The following DAXX variants were observed in gnomAD, a reference collection of about 807,000 sequenced individuals.
The protein encoded by DAXX is death domain-associated protein 6.
A neutral mutation model predicts 61.9 loss-of-function variants in DAXX; 24 were observed. That is an observed-to-expected ratio of 0.39 (90% CI 0.28 to 0.55). The LOEUF is 0.55. DAXX is among the 20% of genes least tolerant of loss of function. The pLI is 0.69. For missense variants in DAXX, 819 were observed against 935.3 expected, an observed-to-expected ratio of 0.88 and a Z score of 1.62; for synonymous variants, 357 against 369.5, an observed-to-expected ratio of 0.97 and a Z score of 0.39.
Position 33,320,382 on chromosome 6 carries a change from C to T in DAXX, c.1249G>A (p.Glu417Lys). 6.2e-7 allele frequency: 1 copy of T among 1,605,816 alleles called. No individual in the cohort carries two copies. The highest frequency in any genetic ancestry group is 1.3e-5 in the African/African-American group (1 of 74,848). The change falls in exon 4 of 8, where the codon GAG becomes AAG. Residue 417 changes from glutamate (E) to lysine (K), a missense_variant and splice_region_variant. Transcript: ENST00000374542. The surrounding 1 kb of genome is among the most constrained non-coding windows in gnomAD (Gnocchi z 7.1). ...TGAAGGCTGTACCCCATCCACACCT[C>T]ACCAGAATCCAAGGAGGCTTCGGGG... is the stretch of plus-strand genomic sequence containing the variant. ...DTPEASLDSG[E>K]GPSGMASQGC...
Position 33,318,815 on chromosome 6 carries a change from G to A in DAXX, c.2164-13C>T, listed in dbSNP as rs1191659695. 6.8e-7 allele frequency: 1 copy of A among 1,480,398 alleles called. No individual in the cohort carries two copies. Among genetic ancestry groups the A allele is most frequent in the Non-Finnish European group, 9.3e-7 (1 of 1,077,134 alleles). 91.7% of individuals were successfully genotyped at this position (1,480,398 alleles called of 1,614,324 possible). On this transcript the variant is annotated splice_polypyrimidine_tract_variant and intron_variant, in intron 7 of 7. Coordinates refer to ENST00000374542, the MANE Select transcript of DAXX (RefSeq NM_001141969.2). The stretch of plus-strand genomic sequence containing the variant: ...TGGCCACACTTGTCTGCAGGGAAGT[G>A]AGAGACAAAGAGTCAAAGAGATCTG...
At chr6:33,319,956 G>C in intron 5 of DAXX, 55 bp downstream of exon 5, 7 of 1,610,532 alleles carry the variant, frequency 4.3e-6, no homozygotes, top group Non-Finnish European at 5.9e-6. Context: ...CAAACAGGTG[G>C]CTCATGCCTA....
Position 33,319,543 on chromosome 6 carries a change from A to C in DAXX, c.1777T>G (p.Ser593Ala). 2.5e-6 allele frequency: 4 copies of C among 1,614,062 alleles called. No homozygotes were observed. In the South Asian group the frequency reaches 3.3e-5, roughly 13 times the overall value. ...ETDISSSRKQ[S>A]EEPFTTVLEN... ...AAGACAGTGGTGAAGGGCTCCTCTG[A>C]TTGCTTCCTGGAAGAGGAAATGTCC... The change falls in exon 6 of 8, where the codon TCA becomes GCA. Residue 593 changes from serine (S) to alanine (A), a missense_variant. Physicochemically the swap from Ser to Ala is moderately conservative, Grantham distance 99. Transcript: ENST00000374542.
rs2150986121 is a variant in DAXX, at chr6:33,318,812, A to G, written c.2164-10T>C. 1 of 1,507,158 alleles carries G rather than the reference A, an allele frequency of 6.6e-7. No homozygotes were observed. Among genetic ancestry groups the G allele is most frequent in the Non-Finnish European group, 9.1e-7 (1 of 1,099,756 alleles). The allele number at this position is 1,507,158 out of a possible 1,614,324, so 93.4% of individuals were successfully genotyped here. On this transcript the variant is annotated splice_polypyrimidine_tract_variant and intron_variant, in intron 7 of 7. Coordinates refer to ENST00000374542, the MANE Select transcript of DAXX (RefSeq NM_001141969.2). Reference sequence around the variant, plus strand: ...GTGTGGCCACACTTGTCTGCAGGGAAGTGAGAGACAAAGAGTCAAAGAGAT... The same window carrying G: ...GTGTGGCCACACTTGTCTGCAGGGAGGTGAGAGACAAAGAGTCAAAGAGAT...
chr6:33,320,662 G>C lies in DAXX; in HGVS notation c.1040-71C>G. On this transcript the variant is annotated intron_variant, in intron 3 of 7. Coordinates refer to ENST00000374542, the MANE Select transcript of DAXX (RefSeq NM_001141969.2). This position sits in a 1 kb window ranked among gnomAD's most constrained non-coding sequence, Gnocchi z 7.1. ...CTAGAAGAGTAAAAACCCTAGAAAG[G>C]ACTAGAGAGATGCCCCATCCGCCTC... 6.2e-7 allele frequency: 1 copy of C among 1,603,912 alleles called. No individual in the cohort carries two copies. Among genetic ancestry groups the C allele is most frequent in the Non-Finnish European group, 8.5e-7 (1 of 1,173,990 alleles).
In DAXX at chr6:33,320,022, T is replaced by G. The variant is rs778324215; in HGVS notation, c.1454A>C (p.Glu485Ala). ...EDDEEEDEEE[E>A]AAAGKDGDKS... ...TTCCCTTGACATACCTGCTGCTGCT[T>G]CTTCCTCTTCGTCCTCCTCTTCATC... is the stretch of plus-strand genomic sequence containing the variant. Residue 485 changes from glutamate to alanine, a missense_variant, in exon 5 of 8, where the codon GAA (glutamate) becomes GCA (alanine). Physicochemically the swap from Glu to Ala is moderately radical, Grantham distance 107. Coordinates refer to ENST00000374542, the MANE Select transcript of DAXX (RefSeq NM_001141969.2). The surrounding 1 kb of genome is among the most constrained non-coding windows in gnomAD (Gnocchi z 7.1). 1.5e-5 allele frequency: 25 copies of G among 1,613,756 alleles called. No individual in the cohort carries two copies. Among genetic ancestry groups the G allele is most frequent in the Middle Eastern group, 1.6e-4 (1 of 6,084 alleles).
intron 6 of DAXX, 76 bp from the exon 7 acceptor site, chr6:33,319,295 G>A: frequency 6.4e-7 from 1 of 1,562,846 alleles, no homozygotes; most frequent in Non-Finnish European, 8.7e-7. Context: ...GTCTCTCCCA[G>A]CAGACTCAGT....
In DAXX at chr6:33,321,850, G is replaced by A. The variant is rs1427909924; in HGVS notation, c.76C>T (p.His26Tyr). 1 of 1,612,510 alleles carries A rather than the reference G, an allele frequency of 6.2e-7. No individual in the cohort carries two copies. The highest frequency in any genetic ancestry group is 1.7e-5 in the Admixed American group (1 of 60,010). ...GGTGAGGCCGCATTGGGGAGTGGGT[G>A]GGAGGGCCCTGGCTGAGCAGCTGCT... ...DEAAAQPGPS[H>Y]PLPNAASPGA... The change falls in exon 2 of 8, where the codon CAC becomes TAC. Residue 26 changes from histidine (H) to tyrosine (Y), a missense_variant. His to Tyr is a moderately conservative substitution (Grantham distance 83). Coordinates refer to ENST00000374542, the MANE Select transcript of DAXX (RefSeq NM_001141969.2). This position sits in a 1 kb window ranked among gnomAD's most constrained non-coding sequence, Gnocchi z 7.2.
In DAXX at chr6:33,321,655, G is replaced by T; in HGVS notation, c.207+64C>A. On this transcript the variant is annotated intron_variant, in intron 2 of 7. Coordinates refer to ENST00000374542, the MANE Select transcript of DAXX (RefSeq NM_001141969.2). This position sits in a 1 kb window ranked among gnomAD's most constrained non-coding sequence, Gnocchi z 7.2. ...GAGGTGGGGTTAGTGGGAAAGAAAG[G>T]ACAGGAGAACCAGTCAGCCATCCCC... 6.2e-7 allele frequency: 1 copy of T among 1,601,128 alleles called. No individual in the cohort carries two copies. Among genetic ancestry groups the T allele is most frequent in the Non-Finnish European group, 8.5e-7 (1 of 1,171,416 alleles).
At position 33,319,172 on chromosome 6, in the gene DAXX, A is replaced by T. The variant is rs374737931; in HGVS notation, c.1988T>A (p.Ile663Lys). 2 of 1,612,274 alleles carry T rather than the reference A, an allele frequency of 1.2e-6. No homozygotes were observed. The highest frequency in any genetic ancestry group is 1.7e-5 in the Admixed American group (1 of 59,926). The change falls in exon 7 of 8, where the codon ATA becomes AAA. Residue 663 changes from isoleucine (I) to lysine (K), a missense_variant. By Grantham distance (102) the Ile-to-Lys change is moderately radical. Coordinates refer to ENST00000374542, the MANE Select transcript of DAXX (RefSeq NM_001141969.2). ...GGAAGGTGGGCTGGGCAGGGTACAT[A>T]TCTTTTTCCCATTCTTCTCATGCAC... ...RSVHEKNGKK[I>K]CTLPSPPSPL...
rs1770603892 is a variant in DAXX at position 33,321,455 on chromosome 6, T to C, written c.320A>G (p.Asn107Ser). 7 of 1,613,958 alleles carry C rather than the reference T, an allele frequency of 4.3e-6. No individual in the cohort carries two copies. The highest frequency in any genetic ancestry group is 5.9e-6 in the Non-Finnish European group (7 of 1,179,936). ...SLFLASAEFC[N>S]ILSRVLSRAR... The stretch of plus-strand genomic sequence containing the variant: ...CCGAGACAGGACCCTAGAGAGGATG[T>C]TGCAGAACTCCGCCGAGGCCAAAAA... The change falls in exon 3 of 8, where the codon AAC (asparagine) becomes AGC (serine). Residue 107 changes from asparagine to serine, a missense_variant. Transcript: ENST00000374542. The surrounding 1 kb of genome is among the most constrained non-coding windows in gnomAD (Gnocchi z 7.2).
chr6:33,318,916 G>T (rs888844551), intron 7 of DAXX, 81 bp downstream of exon 7: 1 of 1,359,346 alleles, frequency 7.4e-7, no homozygotes, highest in Non-Finnish European at 1.0e-6. Flanking sequence ...GATGTGGCAC[G>T]TGGAATATTC....
chr6:33,322,902 CAG>C lies in DAXX; in HGVS notation c.-95_-94del. 6.9e-7 allele frequency: 1 copy of C among 1,440,698 alleles called. No homozygotes were observed. Among genetic ancestry groups the C allele is most frequent in the Non-Finnish European group, 9.4e-7 (1 of 1,064,858 alleles). The allele number at this position is 1,440,698 out of a possible 1,614,324, so 89.2% of individuals were successfully genotyped here. ...TCGAGGCGACCCTCGCCGCAATTCTCAGAACCTCGCATGGTTCCCTCCGCCTT... is the reference window on the plus strand; with the variant it reads ...TCGAGGCGACCCTCGCCGCAATTCTCAACCTCGCATGGTTCCCTCCGCCTT... On this transcript the variant is annotated 5_prime_UTR_variant, in exon 1 of 8. The change creates a premature stop within an existing upstream ORF in the 5' untranslated region. Transcript: ENST00000374542.
rs758327720 is a variant in DAXX, at chr6:33,321,883, C to T, written c.43G>A (p.Glu15Lys). 1.1e-5 allele frequency: 18 copies of T among 1,611,566 alleles called. No individual in the cohort carries two copies. The highest frequency in any genetic ancestry group is 1.4e-5 in the Non-Finnish European group (17 of 1,178,624). The part of the protein sequence containing the change: ...NSIIVLDDDD[E>K]DEAAAQPGPS... The stretch of plus-strand genomic sequence containing the variant: ...CCTGGCTGAGCAGCTGCTTCATCTT[C>T]GTCATCATCATCCAGCACGATGATG... Residue 15 changes from glutamate to lysine, a missense_variant, in exon 2 of 8, where the codon GAA (glutamate) becomes AAA (lysine). Transcript: ENST00000374542. This position sits in a 1 kb window ranked among gnomAD's most constrained non-coding sequence, Gnocchi z 7.2.
chr6:33,321,911 G>A lies in DAXX; in HGVS notation c.15C>T (p.Asn5=), dbSNP rs2151000166. 6.2e-7 allele frequency: 1 copy of A among 1,608,362 alleles called. No individual in the cohort carries two copies. Among genetic ancestry groups the A allele is most frequent in the South Asian group, 1.1e-5 (1 of 90,970 alleles). ...CATCATCATCCAGCACGATGATGCT[G>A]TTAGCGGTGGCCATAGGGGATCAAA... MATA[N]SIIVLDDDDE... The change falls in exon 2 of 8, where the codon AAC becomes AAT. Residue 5 remains asparagine, a synonymous_variant. Transcript: ENST00000374542. This position sits in a 1 kb window ranked among gnomAD's most constrained non-coding sequence, Gnocchi z 7.2.
chr6:33,322,154 T>TGG (rs111442780), intron 1 of DAXX, 177 bp from the exon 2 acceptor site: 47,133 of 313,066 alleles, frequency 0.15, 5,003 homozygotes, highest in African/African-American at 0.25. Context: ...TCAAGTGGTG[T>TGG]GGGGGGGGGG....
chr6:33,320,036 CTCCTCTTCATCA>C lies in DAXX; in HGVS notation c.1428_1439del (p.Asp476_Glu479del). On this transcript the variant is annotated inframe_deletion, in exon 5 of 8. Coordinates refer to ENST00000374542, the MANE Select transcript of DAXX (RefSeq NM_001141969.2). The surrounding 1 kb of genome is among the most constrained non-coding windows in gnomAD (Gnocchi z 7.1). ...CTGCTGCTGCTTCTTCCTCTTCGTC[CTCCTCTTCATCA>C]TCCTCCTGACCCTCCTGCATCTGTT... is the stretch of plus-strand genomic sequence containing the variant. 1.9e-6 allele frequency: 3 copies of C among 1,613,424 alleles called. No homozygotes were observed. The highest frequency in any genetic ancestry group is 1.7e-6 in the Non-Finnish European group (2 of 1,179,658).
intron 6 of DAXX, 63 bp from the exon 7 acceptor site, chr6:33,319,282 C>G: frequency 6.4e-7 from 1 of 1,558,432 alleles, no homozygotes; most frequent in South Asian, 1.2e-5. Context: ...GGGGGGCAGT[C>G]CAGTCTCTCC....
chr6:33,319,799 G>A lies in DAXX; in HGVS notation c.1521C>T (p.Asn507=). The A allele has an allele frequency of 6.2e-7, 1 of 1,614,108 alleles. No homozygotes were observed. The highest frequency in any genetic ancestry group is 8.5e-7 in the Non-Finnish European group (1 of 1,180,012). The change falls in exon 6 of 8, where the codon AAC becomes AAT. Residue 507 remains asparagine (N), a synonymous_variant. Transcript: ENST00000374542. ...MSSLQISNEK[N]LEPGKQISRS... ...TGCTGATCTGTTTGCCAGGTTCCAG[G>A]TTCTTTTCATTGGAGATCTGTAGTG...
Sources: allele counts gnomAD v4.1 joint callset, GRCh38; gene constraint gnomAD v4.1.1; non-coding constraint Gnocchi (gnomAD v3.1); transcripts MANE v1.5; gene names NCBI Gene and HGNC (gene_info 2026-07-23, HGNC 2026-07-21).